BNIP3L: variants seen among roughly 807,000 people sequenced by gnomAD.
BNIP3L encodes BCL2 interacting protein 3 like.
A neutral mutation model predicts 25.5 loss-of-function variants in BNIP3L; 10 were observed. The ratio of observed to expected loss-of-function variants is 0.39; its 90% CI spans 0.24 to 0.67. BNIP3L has a LOEUF of 0.67. BNIP3L is among the 30% of genes least tolerant of loss of function. The pLI is 0.45. For missense variants in BNIP3L, 215 were observed against 270.9 expected, an observed-to-expected ratio of 0.79 and a Z score of 1.45; for synonymous variants, 113 against 101.2, an observed-to-expected ratio of 1.12 and a Z score of -0.70.
chr8:26,408,586 G>A (rs991025491), intron 5 of BNIP3L, among the ~76,000 whole-genome samples: 4 of 152,086 alleles, frequency 2.6e-5, no homozygotes, highest in African/African-American at 7.2e-5. Flanking sequence ...AAAATAAGAT[G>A]TTTGGCCTGG....
chr8:26,397,696 A>G (rs1806277328), intron 3 of BNIP3L, among the ~76,000 whole-genome samples: 1 of 72,830 alleles, frequency 1.4e-5, no homozygotes, highest in Admixed American at 1.3e-4. Flanking sequence ...TAAAGAGTCA[A>G]GACCCATCAG....
intron 5 of BNIP3L, among the ~76,000 whole-genome samples, chr8:26,408,607 C>T (rs1025139039): frequency 6.6e-6 from 1 of 152,102 alleles, no homozygotes; most frequent in Admixed American, 6.5e-5. Flanking sequence ...TGTGGTGGCT[C>T]ATGCCAGTAA....
In BNIP3L at chr8:26,412,951, A is replaced by T. The variant is rs1372482658; in HGVS notation, c.*2539A>T. 1 of 152,654 alleles carries T rather than the reference A, an allele frequency of 6.6e-6. No homozygotes were observed. Among genetic ancestry groups the T allele is most frequent in the Non-Finnish European group, 1.5e-5 (1 of 68,038 alleles). The allele number at this position is 152,654 out of a possible 1,614,324, so 9.5% of individuals were successfully genotyped here. ...AAAAATGAGAATTGAAGACTTAGCCAGTCAGATAAGTTTTTTCATGAACCC... is the reference window on the plus strand; with the variant it reads ...AAAAATGAGAATTGAAGACTTAGCCTGTCAGATAAGTTTTTTCATGAACCC... On this transcript the variant is annotated 3_prime_UTR_variant, in exon 6 of 6. Transcript: ENST00000380629.
At chr8:26,398,124 T>A (rs1268568178) in intron 3 of BNIP3L, among the ~76,000 whole-genome samples, 11 of 92,454 alleles carry the variant, frequency 1.2e-4, no homozygotes, top group Admixed American at 2.1e-4. Flanking sequence ...CAAGCAGACC[T>A]AATAGACGTC....
At chr8:26,383,253 G>A in intron 1 of BNIP3L, 23 bp downstream of exon 1, 11 of 1,595,732 alleles carry the variant, frequency 6.9e-6, no homozygotes, top group Non-Finnish European at 9.4e-6. Flanking sequence ...CCGAGGCTCT[G>A]TGAAGGGGAT....
rs1375615665 is a variant in BNIP3L at position 26,412,245 on chromosome 8, G to C, written c.*1833G>C. ...AGTGTTCATATTTGAATTTCTTTGG[G>C]AAGAAAGTAAATCTGATGGCTCACT... On this transcript the variant is annotated 3_prime_UTR_variant, in exon 6 of 6. Coordinates refer to ENST00000380629, the MANE Select transcript of BNIP3L (RefSeq NM_004331.3). 3 of 152,108 alleles carry C rather than the reference G, an allele frequency of 2.0e-5. No homozygotes were observed. The highest frequency in any genetic ancestry group is 4.4e-5 in the Non-Finnish European group (3 of 68,022). 9.4% of individuals were successfully genotyped at this position (152,108 alleles called of 1,614,324 possible). A position where few individuals can be genotyped will look rare whatever the true frequency, so the allele number is the denominator to read the frequency against.
intron 1 of BNIP3L, among the ~76,000 whole-genome samples, chr8:26,389,656 C>T (rs1404724362): frequency 6.6e-6 from 1 of 152,176 alleles, no homozygotes; most frequent in Non-Finnish European, 1.5e-5. Context: ...TGAGCATCTT[C>T]TATTTACCAG....
At position 26,412,197 on chromosome 8, in the gene BNIP3L, C is replaced by T. The variant is rs1806643068; in HGVS notation, c.*1785C>T. The T allele has an allele frequency of 6.6e-6, 1 of 152,040 alleles. No homozygotes were observed. 9.4% of individuals were successfully genotyped at this position (152,040 alleles called of 1,614,324 possible). A position where few individuals can be genotyped will look rare whatever the true frequency, so the allele number is the denominator to read the frequency against. Reference sequence around the variant, plus strand: ...CTTAAACCTGGTAACACTTGATTTGCCTTCTATAACCTATTTATTTCAAGT... The same window carrying T: ...CTTAAACCTGGTAACACTTGATTTGTCTTCTATAACCTATTTATTTCAAGT... On this transcript the variant is annotated 3_prime_UTR_variant, in exon 6 of 6. Coordinates refer to ENST00000380629, the MANE Select transcript of BNIP3L (RefSeq NM_004331.3).
In BNIP3L at chr8:26,411,550, A is replaced by G. The variant is rs1179199809; in HGVS notation, c.*1138A>G. ...TCTCACTGAATAATGTTTACTGTAC[A>G]GTCTTCCCAAGGTGATTCCTGCGAC... On this transcript the variant is annotated 3_prime_UTR_variant, in exon 6 of 6. Transcript: ENST00000380629. 1.3e-5 allele frequency: 2 copies of G among 152,368 alleles called. No individual in the cohort carries two copies. Among genetic ancestry groups the G allele is most frequent in the Admixed American group, 1.3e-4 (2 of 15,274 alleles). The allele number at this position is 152,368 out of a possible 1,614,324, so 9.4% of individuals were successfully genotyped here. A position where few individuals can be genotyped will look rare whatever the true frequency, so the allele number is the denominator to read the frequency against.
intron 1 of BNIP3L, among the ~76,000 whole-genome samples, chr8:26,385,790 A>G (rs989923688): frequency 3.9e-5 from 6 of 152,184 alleles, no homozygotes; most frequent in African/African-American, 9.7e-5. Flanking sequence ...GACATCTGCT[A>G]GATAGAAAGT....
intron 2 of BNIP3L, among the ~76,000 whole-genome samples, chr8:26,392,403 T>C (rs1806134341): frequency 6.6e-6 from 1 of 152,238 alleles, no homozygotes; most frequent in South Asian, 2.1e-4. Flanking sequence ...AACATTTTTG[T>C]ATTTTGTAAA....
At chr8:26,394,258 A>G (rs1307805828) in intron 2 of BNIP3L, among the ~76,000 whole-genome samples, 2 of 152,146 alleles carry the variant, frequency 1.3e-5, no homozygotes, top group African/African-American at 2.4e-5. Context: ...AAATTTTTAC[A>G]GTTCTAAGAA....
Position 26,411,796 on chromosome 8 carries a change from A to G in BNIP3L, c.*1384A>G, listed in dbSNP as rs1475718636. The G allele has an allele frequency of 3.9e-5, 6 of 152,742 alleles. No individual in the cohort carries two copies. Among genetic ancestry groups the G allele is most frequent in the African/African-American group, 9.6e-5 (4 of 41,576 alleles). 9.5% of individuals were successfully genotyped at this position (152,742 alleles called of 1,614,324 possible). A position where few individuals can be genotyped will look rare whatever the true frequency, so the allele number is the denominator to read the frequency against. ...CTAGCATGACTCTGAAGGATACCACATGTTTTATATATAAATAATTACTGT... is the reference window on the plus strand; with the variant it reads ...CTAGCATGACTCTGAAGGATACCACGTGTTTTATATATAAATAATTACTGT... On this transcript the variant is annotated 3_prime_UTR_variant, in exon 6 of 6. Coordinates refer to ENST00000380629, the MANE Select transcript of BNIP3L (RefSeq NM_004331.3).
At chr8:26,393,884 C>T (rs1299049566) in intron 2 of BNIP3L, among the ~76,000 whole-genome samples, 3 of 152,132 alleles carry the variant, frequency 2.0e-5, no homozygotes, top group Admixed American at 6.5e-5. Flanking sequence ...TTAAAAATCT[C>T]CTATGTCAAT....
Position 26,383,182 on chromosome 8 carries a change from A to G in BNIP3L, c.52A>G (p.Asn18Asp), listed in dbSNP as rs549425213. 59 of 1,612,490 alleles carry G rather than the reference A, an allele frequency of 3.7e-5. No homozygotes were observed. The East Asian group carries it at 1.2e-3, about 34-fold the overall frequency. The change falls in exon 1 of 6, where the codon AAC becomes GAC. Residue 18 changes from asparagine (N) to aspartate (D), a missense_variant. Physicochemically the swap from Asn to Asp is conservative, Grantham distance 23 (BLOSUM62 1). Coordinates refer to ENST00000380629, the MANE Select transcript of BNIP3L (RefSeq NM_004331.3). The stretch of plus-strand genomic sequence containing the variant: ...GCCGCCCCTGCACAACAACAACAAC[A>G]ACTGCGAGGAAAATGAGCAGTCTCT... ...PPPPLHNNNN[N>D]CEENEQSLPP...
At chr8:26,390,275 G>T in intron 1 of BNIP3L, 1 of 886,570 alleles carries the variant, frequency 1.1e-6, no homozygotes, top group Non-Finnish European at 1.4e-6. Flanking sequence ...TAAAATTAAA[G>T]CACCTTAATA....
At chr8:26,405,130 GA>G (rs948871171) in intron 3 of BNIP3L, among the ~76,000 whole-genome samples, 11 of 149,196 alleles carry the variant, frequency 7.4e-5, no homozygotes, top group African/African-American at 2.2e-4. Flanking sequence ...CCATCCTCAT[GA>G]AAAAAAAAAT....
intron 1 of BNIP3L, among the ~76,000 whole-genome samples, chr8:26,384,218 A>G (rs1268209595): frequency 6.6e-6 from 1 of 152,180 alleles, no homozygotes; most frequent in Admixed American, 6.5e-5. Flanking sequence ...AGCAGTGAGC[A>G]TATGGCCAGA....
intron 3 of BNIP3L, among the ~76,000 whole-genome samples, chr8:26,403,502 T>A (rs1430605357): frequency 6.6e-6 from 1 of 151,044 alleles, no homozygotes; most frequent in Admixed American, 6.7e-5. Context: ...TCACTAACAT[T>A]AACTAGATAT....
Sources: gnomAD v4.1 joint callset for allele counts (sites outside exome capture counted in the v4.1 genomes callset) on GRCh38, gnomAD v4.1.1 for gene constraint, MANE v1.5 for transcripts, NCBI Gene and HGNC (gene_info 2026-07-23, HGNC 2026-07-21) for gene names.